CDK5RAP2: variants seen among roughly 807,000 people sequenced by gnomAD.
The protein encoded by CDK5RAP2 is CDK5 regulatory subunit-associated protein 2.
Under a neutral mutation model 232.9 loss-of-function variants are expected in CDK5RAP2, and 147 were observed. The observed-to-expected ratio is 0.63, with a 90% CI of 0.55 to 0.72. The LOEUF (loss-of-function observed/expected upper bound fraction) is 0.72. CDK5RAP2 is among the 30% of genes least tolerant of loss of function. The pLI is 0.00. For synonymous variants in CDK5RAP2, 833 were observed against 833.7 expected, an observed-to-expected ratio of 1.00 and a Z score of 0.01; for missense variants, 2,195 against 2,231.5, an observed-to-expected ratio of 0.98 and a Z score of 0.33.
chr9:120,506,107 G>A (rs1241920274), intron 12 of CDK5RAP2, among the ~76,000 whole-genome samples: 1 of 152,164 alleles, frequency 6.6e-6, no homozygotes, highest in East Asian at 1.9e-4. Context: ...CAAAGGACAG[G>A]GTGACTTCCT....
Position 120,424,534 on chromosome 9 carries a change from A to G in CDK5RAP2, c.3956-1793T>C, listed in dbSNP as rs566314847. ...CAGCTTAGTCAACATTTTTCATCTC[A>G]TACCTGCACTGGGCTGCTTACCAAC... On this transcript the variant is annotated intron_variant, in intron 25 of 37. Transcript: ENST00000349780. Among the ~76,000 whole-genome samples the G allele has an allele frequency of 4.5e-4, 68 of 152,066 alleles. 1 individual carries two copies. Among genetic ancestry groups the G allele is most frequent in the Non-Finnish European group, 1.2e-4 (8 of 67,966 alleles).
intron 17 of CDK5RAP2, 33 bp from the exon 18 acceptor site, chr9:120,468,030 C>T (rs1194270499): frequency 6.2e-7 from 1 of 1,612,702 alleles, no homozygotes; most frequent in South Asian, 1.1e-5. Flanking sequence ...AGGCTGTCTA[C>T]CCAGCAAGAG....
chr9:120,521,787 A>G (rs1353325134), intron 11 of CDK5RAP2, among the ~76,000 whole-genome samples: 1 of 151,178 alleles, frequency 6.6e-6, no homozygotes, highest in Non-Finnish European at 1.5e-5. Context: ...CTGGGACTAC[A>G]GGCGCCCACC....
chr9:120,479,860 T>A (rs1244856122), intron 14 of CDK5RAP2, among the ~76,000 whole-genome samples: 3 of 152,154 alleles, frequency 2.0e-5, no homozygotes, highest in South Asian at 2.1e-4. Flanking sequence ...AAGGTAGCAA[T>A]GAAGGAAATC....
intron 1 of CDK5RAP2, among the ~76,000 whole-genome samples, chr9:120,572,972 G>T (rs1322034295): frequency 1.3e-5 from 2 of 152,218 alleles, no homozygotes; most frequent in Non-Finnish European, 2.9e-5. Flanking sequence ...CCTAGCCAGG[G>T]TCACATGGCG....
intron 35 of CDK5RAP2, among the ~76,000 whole-genome samples, chr9:120,397,566 G>GA (rs1296378886): frequency 4.8e-4 from 45 of 94,206 alleles, no homozygotes; most frequent in Non-Finnish European, 6.3e-4. Context: ...AAAAAAAAAA[G>GA]AAAAAAGAAA....
intron 7 of CDK5RAP2, 130 bp downstream of exon 7, chr9:120,536,242 C>G (rs2041379287): frequency 1.1e-6 from 1 of 950,662 alleles, no homozygotes; most frequent in Non-Finnish European, 1.6e-6. Flanking sequence ...GGACTTGTTC[C>G]CATTAGTCAC....
At chr9:120,408,501 G>A (rs373837579) in intron 30 of CDK5RAP2, 33 bp from the exon 31 acceptor site, 2 of 1,613,586 alleles carry the variant, frequency 1.2e-6, no homozygotes, top group Admixed American at 1.7e-5. Flanking sequence ...AGAAGGACAG[G>A]TTAATTCTAC....
At position 120,417,246 on chromosome 9, in the gene CDK5RAP2, C is replaced by T. The variant is rs977009442; in HGVS notation, c.4178-2087G>A. On this transcript the variant is annotated intron_variant, in intron 27 of 37. Transcript: ENST00000349780. ...TGGCGCCCACGGCACTGCACCTCTG[C>T]GCTCCTTAAACTCTAGGTGCCCAGG... is the stretch of plus-strand genomic sequence containing the variant. Among the ~76,000 whole-genome samples the T allele has an allele frequency of 4.7e-5, 7 of 148,998 alleles. No individual in the cohort carries two copies. In the South Asian group the frequency reaches 6.5e-4, roughly 14 times the overall value.
intron 34 of CDK5RAP2, among the ~76,000 whole-genome samples, chr9:120,402,526 G>C (rs1412505752): frequency 6.6e-6 from 1 of 152,180 alleles, no homozygotes. Context: ...CAGATGGAGA[G>C]AAGAATGGAT....
At chr9:120,423,896 G>T (rs182247226) in intron 25 of CDK5RAP2, among the ~76,000 whole-genome samples, 1 of 152,318 alleles carries the variant, frequency 6.6e-6, no homozygotes, top group Non-Finnish European at 1.5e-5. Context: ...CGGCTGGCTG[G>T]TATGGCCATC....
chr9:120,465,157 C>T (rs959344781), intron 18 of CDK5RAP2, among the ~76,000 whole-genome samples: 2 of 152,162 alleles, frequency 1.3e-5, no homozygotes, highest in Non-Finnish European at 1.5e-5. Flanking sequence ...CTAACCCTTT[C>T]GAGCCTTTGC....
Position 120,448,577 on chromosome 9 carries a change from A to T in CDK5RAP2, c.2794-451T>A, listed in dbSNP as rs532661654. Among the ~76,000 whole-genome samples the T allele has an allele frequency of 2.0e-5, 3 of 152,322 alleles. No individual in the cohort carries two copies. The South Asian group carries it at 6.2e-4, about 32-fold the overall frequency. On this transcript the variant is annotated intron_variant, in intron 21 of 37. Transcript: ENST00000349780. ...AACCCAGCGGATATTTCCCAGGCTC[A>T]GAACTCCCAGACATCTTCATTTGTA...
intron 5 of CDK5RAP2, among the ~76,000 whole-genome samples, chr9:120,541,629 A>C (rs2041637279): frequency 6.6e-6 from 1 of 152,226 alleles, no homozygotes; most frequent in South Asian, 2.1e-4. Flanking sequence ...ACCAGCCAAC[A>C]AATATGTTTA....
chr9:120,497,664 T>C (rs1403928039), intron 12 of CDK5RAP2, among the ~76,000 whole-genome samples: 1 of 152,132 alleles, frequency 6.6e-6, no homozygotes, highest in Non-Finnish European at 1.5e-5. Flanking sequence ...CCAAATACAA[T>C]ACACTAAGAA....
intron 3 of CDK5RAP2, among the ~76,000 whole-genome samples, chr9:120,566,579 G>A (rs1252012660): frequency 6.6e-6 from 1 of 152,194 alleles, no homozygotes; most frequent in Non-Finnish European, 1.5e-5. Flanking sequence ...AAGCAGTCAT[G>A]GCAAACACAT....
rs191067722 is a variant in CDK5RAP2 at position 120,491,629 on chromosome 9, A to T, written c.1312-152T>A. 1,502 of 591,480 alleles carry T rather than the reference A, an allele frequency of 2.5e-3. 8 individuals carry two copies. Among genetic ancestry groups the T allele is most frequent in the Middle Eastern group, 0.016 (36 of 2,278 alleles). The allele number at this position is 591,480 out of a possible 1,614,324, so 36.6% of individuals were successfully genotyped here. On this transcript the variant is annotated intron_variant, in intron 12 of 37. Coordinates refer to ENST00000349780, the MANE Select transcript of CDK5RAP2 (RefSeq NM_018249.6). ...TATATTTAAATCCTTCTCACTTAAA[A>T]TCTTACAAAAACCACTATAAGAATA...
rs1005286405 is a variant in CDK5RAP2 at position 120,388,984 on chromosome 9, C to T, written c.*252G>A. The T allele has an allele frequency of 6.9e-6, 4 of 578,410 alleles. No homozygotes were observed. The highest frequency in any genetic ancestry group is 1.2e-5 in the Non-Finnish European group (4 of 326,476). The allele number at this position is 578,410 out of a possible 1,614,324, so 35.8% of individuals were successfully genotyped here. ...CCACCAAGGCGCACAGCCTCAACTC[C>T]GGTGCCTGCCCCTGATCTGAAATAC... On this transcript the variant is annotated 3_prime_UTR_variant, in exon 38 of 38. Transcript: ENST00000349780.
intron 3 of CDK5RAP2, among the ~76,000 whole-genome samples, chr9:120,564,685 T>A (rs1172680695): frequency 6.6e-6 from 1 of 152,126 alleles, no homozygotes; most frequent in Admixed American, 6.5e-5. Context: ...AATAATGCCA[T>A]CCATGAGTAT....
Sources: allele counts gnomAD v4.1 joint callset (sites outside exome capture counted in the v4.1 genomes callset), GRCh38; gene constraint gnomAD v4.1.1; transcripts MANE v1.5; gene names NCBI Gene and HGNC (gene_info 2026-07-23, HGNC 2026-07-21).